Variants in SERAC1 observed in about 807,000 individuals in gnomAD.
The protein encoded by SERAC1 is serine active site containing 1, also known as protein SERAC1.
A neutral mutation model predicts 85.7 loss-of-function variants in SERAC1; 36 were observed. That is an observed-to-expected ratio of 0.42 (90% CI 0.32 to 0.55). The LOEUF (loss-of-function observed/expected upper bound fraction) is 0.55. Ranked by LOEUF, SERAC1 falls within the 20% of genes least tolerant of loss-of-function variation. The probability of loss-of-function intolerance (pLI) is 0.11; values close to 1 mark genes in which losing one functional copy is unlikely to be tolerated. For synonymous variants in SERAC1, 242 were observed against 265.3 expected (o/e 0.91, Z 0.85); for missense variants, 629 against 796.2 (o/e 0.79, Z 2.53).
intron 2 of SERAC1, among the ~76,000 whole-genome samples, chr6:158,156,844 A>G (rs1051798414): frequency 3.9e-5 from 4 of 102,898 alleles, no homozygotes; most frequent in South Asian, 2.9e-4. Flanking sequence ...ATATAAATAT[A>G]TTTTATATAT....
At chr6:158,144,504 CA>C in intron 6 of SERAC1, 84 bp from the exon 7 acceptor site, 1 of 1,351,016 alleles carries the variant, frequency 7.4e-7, no homozygotes, top group African/African-American at 1.5e-5. Flanking sequence ...AACTTGAAAG[CA>C]CTCTAATTTT....
chr6:158,156,924 T>A (rs1785361476), intron 2 of SERAC1, among the ~76,000 whole-genome samples: 2 of 132,876 alleles, frequency 1.5e-5, no homozygotes, highest in African/African-American at 6.4e-5. Flanking sequence ...ATATAAATAT[T>A]AATATATTTA....
intron 6 of SERAC1, chr6:158,145,173 G>A (rs1437369425): frequency 1.3e-5 from 2 of 152,226 alleles, no homozygotes; most frequent in Admixed American, 6.5e-5. Context: ...GAACCCAGGA[G>A]ACGGAGGTTG....
chr6:158,114,854 G>C lies in SERAC1; in HGVS notation c.1619C>G (p.Ala540Gly). The C allele has an allele frequency of 6.2e-7, 1 of 1,613,992 alleles. No individual in the cohort carries two copies. The highest frequency in any genetic ancestry group is 8.5e-7 in the Non-Finnish European group (1 of 1,179,966). The change falls in exon 15 of 17, where the codon GCT becomes GGT. Residue 540 changes from alanine (A) to glycine (G), a missense_variant. Physicochemically the swap from Ala to Gly is moderately conservative, Grantham distance 60. Coordinates refer to ENST00000647468, the MANE Select transcript of SERAC1 (RefSeq NM_032861.4). ...YSVPHHGSRL[A>G]EYSVNIRYLL... is the part of the protein sequence containing the mutation. ...ATAGCGAATATTAACAGAGTATTCAGCCAAACGTGATCCATGATGAGGGAC... is the reference window on the plus strand; with the variant it reads ...ATAGCGAATATTAACAGAGTATTCACCCAAACGTGATCCATGATGAGGGAC...
intron 8 of SERAC1, among the ~76,000 whole-genome samples, chr6:158,133,632 G>A (rs9459491): frequency 0.53 from 80,567 of 151,802 alleles, 21,710 homozygotes; most frequent in African/African-American, 0.61. Flanking sequence ...TGATCCGCCC[G>A]CCTCGGCCTC....
intron 1 of SERAC1, among the ~76,000 whole-genome samples, chr6:158,164,081 T>G (rs1369052798): frequency 3.9e-5 from 6 of 152,198 alleles, no homozygotes; most frequent in Middle Eastern, 3.4e-3. Context: ...TAGTATAAAT[T>G]TTCCAGCTGT....
Position 158,120,620 on chromosome 6 carries a change from G to A in SERAC1, c.1016-45C>T, listed in dbSNP as rs200436556. Reference sequence around the variant, plus strand: ...TCCTAAATACTGATGTGAATCCATCGCAGACCACAGAGAGAGTGAGGTTTC... The same window carrying A: ...TCCTAAATACTGATGTGAATCCATCACAGACCACAGAGAGAGTGAGGTTTC... On this transcript the variant is annotated intron_variant, in intron 10 of 16. Transcript: ENST00000647468. This position sits in a 1 kb window ranked among gnomAD's most constrained non-coding sequence, Gnocchi z 4.4. 89 of 1,589,376 alleles carry A rather than the reference G, an allele frequency of 5.6e-5. No individual in the cohort carries two copies. In the East Asian group the frequency reaches 1.1e-3, roughly 19 times the overall value.
At chr6:158,146,998 T>C in intron 5 of SERAC1, 85 bp from the exon 6 acceptor site, 2 of 1,389,920 alleles carry the variant, frequency 1.4e-6, no homozygotes, top group East Asian at 4.7e-5. Context: ...TTATAAACAC[T>C]GAAATCTACA....
chr6:158,141,694 A>C (rs1360423054), intron 8 of SERAC1, among the ~76,000 whole-genome samples: 2 of 152,170 alleles, frequency 1.3e-5, no homozygotes, highest in East Asian at 3.9e-4. Context: ...AGCCAGGGAT[A>C]CCTTGTCAAA....
At chr6:158,147,726 C>T (rs1409993509) in intron 5 of SERAC1, among the ~76,000 whole-genome samples, 2 of 128,520 alleles carry the variant, frequency 1.6e-5, no homozygotes, top group East Asian at 2.6e-4. Flanking sequence ...GCAGAGATCG[C>T]GCCACTGCAC....
intron 10 of SERAC1, among the ~76,000 whole-genome samples, chr6:158,122,607 C>G (rs1192677487): frequency 6.6e-6 from 1 of 151,996 alleles, no homozygotes; most frequent in African/African-American, 2.4e-5. Flanking sequence ...CATGTGAAAC[C>G]CCATCTCTAC....
rs144600138 is a variant in SERAC1, at chr6:158,153,610, C to T, written c.128+1705G>A. Among the ~76,000 whole-genome samples the T allele has an allele frequency of 3.3e-3, 509 of 152,280 alleles. 4 individuals are homozygous for T. Among genetic ancestry groups the T allele is most frequent in the African/African-American group, 0.012 (482 of 41,560 alleles). On this transcript the variant is annotated intron_variant, in intron 3 of 16. Coordinates refer to ENST00000647468, the MANE Select transcript of SERAC1 (RefSeq NM_032861.4). ...AGCTTTTCCTTTCCTAAGAGCAACA[C>T]CTGAAGTTAACTTTAAATGTTGTTT...
chr6:158,165,363 T>C (rs1447252936), intron 1 of SERAC1, among the ~76,000 whole-genome samples: 1 of 152,022 alleles, frequency 6.6e-6, no homozygotes, highest in Non-Finnish European at 1.5e-5. Flanking sequence ...CACCGTGTTA[T>C]CCAGGATGGT....
intron 10 of SERAC1, among the ~76,000 whole-genome samples, chr6:158,121,924 T>C (rs1468026616): frequency 3.9e-5 from 6 of 152,202 alleles, no homozygotes. Flanking sequence ...GAAAACTTAC[T>C]TCTTTAACAT....
intron 3 of SERAC1, among the ~76,000 whole-genome samples, chr6:158,151,721 G>A (rs761378899): frequency 1.8e-4 from 27 of 152,032 alleles, no homozygotes; most frequent in Admixed American, 4.6e-4. Flanking sequence ...TGCCGCGCCC[G>A]GCCTCGAAAA....
At chr6:158,143,339 CTCTCTCTCTATATATA>C (rs1392328957) in intron 7 of SERAC1, among the ~76,000 whole-genome samples, 155 bp from the exon 8 acceptor site, 814 of 23,252 alleles carry the variant, frequency 0.035, 4 homozygotes, top group East Asian at 0.15. Context: ...CTCTCTCTCT[CTCTCTCTCTATATATA>C]TATATATATA....
chr6:158,138,274 A>G (rs1482760082), intron 8 of SERAC1, among the ~76,000 whole-genome samples: 1 of 151,854 alleles, frequency 6.6e-6, no homozygotes, highest in East Asian at 1.9e-4. Flanking sequence ...CTCTACTAAA[A>G]ATACAAAAAA....
intron 3 of SERAC1, 119 bp from the exon 4 acceptor site, chr6:158,150,708 A>G: frequency 5.6e-6 from 4 of 719,430 alleles, no homozygotes; most frequent in South Asian, 5.2e-5. Context: ...CATAACATGT[A>G]TACAGTAATA....
Position 158,162,901 on chromosome 6 carries a change from G to A in SERAC1, c.-1-4537C>T, listed in dbSNP as rs114664289. 3.6e-3 allele frequency among the ~76,000 whole-genome samples: 543 copies of A among 152,016 alleles called. 1 individual carries two copies. The highest frequency in any genetic ancestry group is 0.01 in the African/African-American group (419 of 41,432). ...TGATCTTTGGTAGTCCCCTCCCACG[G>A]TGACTTTAGATTGATCTTACGAGTA... On this transcript the variant is annotated intron_variant, in intron 1 of 16. Transcript: ENST00000647468.
Sources: gnomAD v4.1 joint callset for allele counts (sites outside exome capture counted in the v4.1 genomes callset) on GRCh38, gnomAD v4.1.1 for gene constraint, Gnocchi (gnomAD v3.1) non-coding constraint, MANE v1.5 for transcripts, NCBI Gene and HGNC (gene_info 2026-07-23, HGNC 2026-07-21) for gene names.